DLGAP1: variants seen among roughly 807,000 people sequenced by gnomAD.
DLGAP1 encodes disks large-associated protein 1.
In DLGAP1, 11 loss-of-function variants were observed where a neutral mutation model predicts 90.8. The observed-to-expected ratio is 0.12, with a 90% CI of 0.08 to 0.20. The LOEUF is 0.20. DLGAP1 is among the 10% of genes least tolerant of loss of function. The pLI is 1.00. For missense variants in DLGAP1, 1,050 were observed against 1,333.8 expected, an observed-to-expected ratio of 0.79 and a Z score of 3.31; for synonymous variants, 558 against 540.7, an observed-to-expected ratio of 1.03 and a Z score of -0.44.
At chr18:4,338,304 T>G (rs2081116619) in intron 1 of DLGAP1, among the ~76,000 whole-genome samples, 1 of 152,328 alleles carries the variant, frequency 6.6e-6, no homozygotes, top group East Asian at 1.9e-4. Flanking sequence ...TAGAAAATTG[T>G]TGTCAGTTTT....
chr18:3,880,944 GAAA>G (rs1173817359), intron 3 of DLGAP1, among the ~76,000 whole-genome samples: 2 of 38,358 alleles, frequency 5.2e-5, no homozygotes, highest in African/African-American at 1.8e-4. Flanking sequence ...CTCCATCTCA[GAAA>G]AAAAAAAAAA....
At chr18:3,964,011 A>T (rs1387656641) in intron 3 of DLGAP1, among the ~76,000 whole-genome samples, 1 of 152,166 alleles carries the variant, frequency 6.6e-6, no homozygotes, top group Non-Finnish European at 1.5e-5. Flanking sequence ...CTACTGGAAA[A>T]TTTAAAATCG....
intron 1 of DLGAP1, among the ~76,000 whole-genome samples, chr18:4,330,574 G>C (rs1324730128): frequency 6.6e-6 from 1 of 151,694 alleles, no homozygotes; most frequent in African/African-American, 2.4e-5. Context: ...TTCATTTTCA[G>C]TCAGTTCAAA....
intron 1 of DLGAP1, among the ~76,000 whole-genome samples, chr18:4,159,066 C>T (rs1357784932): frequency 1.3e-5 from 2 of 152,118 alleles, no homozygotes; most frequent in African/African-American, 4.8e-5. Context: ...TACCCTAATC[C>T]ATTTGAAAGA....
At chr18:3,692,605 C>T (rs915829540) in intron 7 of DLGAP1, among the ~76,000 whole-genome samples, 3 of 151,508 alleles carry the variant, frequency 2.0e-5, no homozygotes, top group East Asian at 3.8e-4. Flanking sequence ...TTTCTGCAAG[C>T]GAGGGCCAAA....
Position 3,760,928 on chromosome 18 carries a change from A to C in DLGAP1, c.1173-18416T>G, listed in dbSNP as rs1360645000. ...CGTTGAACACTGGTTCATCAGTCTG[A>C]GTTTTGGTTGGGTCCGTGACACTGT... On this transcript the variant is annotated intron_variant, in intron 5 of 12. Transcript: ENST00000315677. Among the ~76,000 whole-genome samples the C allele has an allele frequency of 2.0e-5, 3 of 152,120 alleles. No homozygotes were observed. The East Asian group carries it at 5.8e-4, about 29-fold the overall frequency.
intron 7 of DLGAP1, among the ~76,000 whole-genome samples, chr18:3,647,285 C>T (rs7407910): frequency 0.19 from 28,382 of 149,834 alleles, 2,789 homozygotes; most frequent in African/African-American, 0.2. Context: ...TAAAAATATA[C>T]ATGTCTATAT....
At chr18:4,293,283 T>C (rs904694343) in intron 1 of DLGAP1, 2 of 152,230 alleles carry the variant, frequency 1.3e-5, no homozygotes, top group African/African-American at 4.8e-5. Context: ...CTCTAAAAAC[T>C]ACCTGTGGCA....
chr18:4,410,079 T>C (rs2082744086), intron 1 of DLGAP1, among the ~76,000 whole-genome samples: 1 of 152,172 alleles, frequency 6.6e-6, no homozygotes, highest in Non-Finnish European at 1.5e-5. Context: ...CATGGTATGT[T>C]CTCACTGATA....
At chr18:3,769,883 C>T (rs935971457) in intron 5 of DLGAP1, 1 of 151,950 alleles carries the variant, frequency 6.6e-6, no homozygotes, top group African/African-American at 2.4e-5. Context: ...TGCATGAGAT[C>T]TCTCTGTACT....
At chr18:3,592,315 T>C (rs774179161) in intron 7 of DLGAP1, among the ~76,000 whole-genome samples, 11 of 152,250 alleles carry the variant, frequency 7.2e-5, no homozygotes, top group Non-Finnish European at 1.2e-4. Context: ...CAGTGCATCA[T>C]AGGGCTCCTG....
chr18:3,945,880 G>A (rs946080170), intron 3 of DLGAP1, among the ~76,000 whole-genome samples: 6 of 152,128 alleles, frequency 3.9e-5, no homozygotes, highest in Non-Finnish European at 1.5e-5. Flanking sequence ...ATATAGTTAT[G>A]GGAATAGATG....
At chr18:3,670,683 A>G (rs2060056690) in intron 7 of DLGAP1, among the ~76,000 whole-genome samples, 1 of 152,244 alleles carries the variant, frequency 6.6e-6, no homozygotes, top group Non-Finnish European at 1.5e-5. Context: ...TATCTTTATG[A>G]GAAATTTCTA....
intron 7 of DLGAP1, 149 bp downstream of exon 7, chr18:3,728,986 G>A: frequency 8.1e-7 from 1 of 1,233,074 alleles, no homozygotes; most frequent in Non-Finnish European, 1.1e-6. Flanking sequence ...GATAGAGGCA[G>A]ATAGGGAAGG....
rs112535287 is a variant in DLGAP1 at position 4,392,137 on chromosome 18, G to A, written c.-267+62869C>T. ...TCCTGATTACTAGGTCATAAAAAAC[G>A]GATTCCAGAGCCAGCAATCGCCACC... On this transcript the variant is annotated intron_variant, in intron 1 of 12. Transcript: ENST00000315677. Among the ~76,000 whole-genome samples, 965 of 152,214 alleles carry A rather than the reference G, an allele frequency of 6.3e-3. 10 individuals are homozygous for A. The highest frequency in any genetic ancestry group is 0.022 in the African/African-American group (925 of 41,524).
At chr18:3,936,094 A>C (rs1413339922) in intron 3 of DLGAP1, among the ~76,000 whole-genome samples, 1 of 152,186 alleles carries the variant, frequency 6.6e-6, no homozygotes, top group Non-Finnish European at 1.5e-5. Flanking sequence ...AACCTGTGAC[A>C]GGGGTACAGG....
At chr18:3,921,109 G>A (rs1206791190) in intron 3 of DLGAP1, among the ~76,000 whole-genome samples, 1 of 152,156 alleles carries the variant, frequency 6.6e-6, no homozygotes, top group African/African-American at 2.4e-5. Context: ...GACAGCATGA[G>A]CCTGGGAAGC....
At position 4,371,417 on chromosome 18, in the gene DLGAP1, C is replaced by T. The variant is rs142518789; in HGVS notation, c.-267+83589G>A. Among the ~76,000 whole-genome samples, 1,455 of 152,316 alleles carry T rather than the reference C, an allele frequency of 9.6e-3. 12 individuals are homozygous for T. Among genetic ancestry groups the T allele is most frequent in the Middle Eastern group, 0.061 (18 of 294 alleles). On this transcript the variant is annotated intron_variant, in intron 1 of 12. Transcript: ENST00000315677. ...TTAGAACTTGCATTTTGTTTGCTTTCCATAAAATATTTGTTAGAGCAGATA... is the reference window on the plus strand; with the variant it reads ...TTAGAACTTGCATTTTGTTTGCTTTTCATAAAATATTTGTTAGAGCAGATA...
chr18:3,891,139 C>T lies in DLGAP1; in HGVS notation c.-72-10999G>A, dbSNP rs143066449. 2.2e-3 allele frequency among the ~76,000 whole-genome samples: 330 copies of T among 152,298 alleles called. 2 individuals are homozygous for T. Among genetic ancestry groups the T allele is most frequent in the African/African-American group, 7.6e-3 (314 of 41,554 alleles). On this transcript the variant is annotated intron_variant, in intron 3 of 12. Transcript: ENST00000315677. ...TTCTTGTTCTCTTGCTCCCACTTTT[C>T]CTGCCCTCTGATGGTTCTCATGACA...
Sources: gnomAD v4.1 joint callset for allele counts (sites outside exome capture counted in the v4.1 genomes callset) on GRCh38, gnomAD v4.1.1 for gene constraint, MANE v1.5 for transcripts, NCBI Gene and HGNC (gene_info 2026-07-23, HGNC 2026-07-21) for gene names.